Variants in ZKSCAN1 observed in about 807,000 individuals in gnomAD.
ZKSCAN1 encodes zinc finger protein with KRAB and SCAN domains 1.
Under a neutral mutation model 51.6 loss-of-function variants are expected in ZKSCAN1, and 14 were observed. That is an observed-to-expected ratio of 0.27 (90% CI 0.18 to 0.42). ZKSCAN1 has a LOEUF of 0.42. Among genes scored for constraint, ZKSCAN1 ranks in the 10% least tolerant of loss-of-function variants. The pLI, the probability that ZKSCAN1 is intolerant of heterozygous loss-of-function variation, is 1.00. For missense variants in ZKSCAN1, 531 were observed against 710.0 expected, an observed-to-expected ratio of 0.75 and a Z score of 2.86; for synonymous variants, 263 against 261.5, an observed-to-expected ratio of 1.01 and a Z score of -0.06.
chr7:100,021,476 C>T (rs1476670562), intron 1 of ZKSCAN1, among the ~76,000 whole-genome samples: 1 of 152,122 alleles, frequency 6.6e-6, no homozygotes, highest in Non-Finnish European at 1.5e-5. Context: ...GGATACTTGA[C>T]ATCATTTTTG....
Position 100,040,132 on chromosome 7 carries a change from A to C in ZKSCAN1, c.*5935A>C. ...AGTTATAGGGAGGTAAGCCATCTCCAACTCTGCAGGTCAAACGAAAGTTTG... is the reference window on the plus strand; with the variant it reads ...AGTTATAGGGAGGTAAGCCATCTCCCACTCTGCAGGTCAAACGAAAGTTTG... On this transcript the variant is annotated 3_prime_UTR_variant, in exon 6 of 6. Transcript: ENST00000324306. The C allele has an allele frequency of 1.0e-6, 1 of 980,934 alleles. No homozygotes were observed. Among genetic ancestry groups the C allele is most frequent in the Non-Finnish European group, 1.2e-6 (1 of 825,862 alleles). 60.8% of individuals were successfully genotyped at this position (980,934 alleles called of 1,614,324 possible).
In ZKSCAN1 at chr7:100,038,404, A is replaced by T. The variant is rs758060921; in HGVS notation, c.*4207A>T. ...AAAGCTTCATAGTTTGGTGCTTATC[A>T]CATCAAGAGATTGGTAAATTTCTGA... On this transcript the variant is annotated 3_prime_UTR_variant, in exon 6 of 6. Coordinates refer to ENST00000324306, the MANE Select transcript of ZKSCAN1 (RefSeq NM_003439.4). 1 of 985,454 alleles carries T rather than the reference A, an allele frequency of 1.0e-6. No homozygotes were observed. Among genetic ancestry groups the T allele is most frequent in the Non-Finnish European group, 1.2e-6 (1 of 829,930 alleles). The allele number at this position is 985,454 out of a possible 1,614,324, so 61.0% of individuals were successfully genotyped here.
intron 1 of ZKSCAN1, among the ~76,000 whole-genome samples, chr7:100,022,176 T>C (rs572277636): frequency 6.6e-5 from 10 of 152,296 alleles, no homozygotes; most frequent in Admixed American, 2.0e-4. Flanking sequence ...TTCCTCAGCC[T>C]CCCAAGTAGC....
chr7:100,023,870 G>C lies in ZKSCAN1; in HGVS notation c.364G>C (p.Asp122His). The C allele has an allele frequency of 1.2e-6, 2 of 1,613,160 alleles. No individual in the cohort carries two copies. Among genetic ancestry groups the C allele is most frequent in the Non-Finnish European group, 1.7e-6 (2 of 1,179,942 alleles). ...GGTCTGGCTGCAGGAATACCGCCCC[G>C]ATAGTGGAGAGGAGGCCGTGACCCT... ...LQVWLQEYRP[D>H]SGEEAVTLLE... The change falls in exon 2 of 6, where the codon GAT (aspartate) becomes CAT (histidine). Residue 122 changes from aspartate (D) to histidine (H), a missense_variant. Physicochemically the swap from Asp to His is moderately conservative, Grantham distance 81. Transcript: ENST00000324306.
downstream of ZKSCAN1, among the ~76,000 whole-genome samples, chr7:100,045,181 A>AAAT (rs1195467667): frequency 6.6e-6 from 1 of 152,136 alleles, no homozygotes; most frequent in African/African-American, 2.4e-5. Context: ...CTGAGGCAGG[A>AAAT]GGATTGCTTG....
chr7:100,030,169 C>T, intron 4 of ZKSCAN1, 80 bp from the exon 5 acceptor site: 1 of 1,565,036 alleles, frequency 6.4e-7, no homozygotes. Flanking sequence ...GCAGCCACCT[C>T]TCTTCCTGAC....
chr7:100,035,442 G>A lies in ZKSCAN1; in HGVS notation c.*1245G>A, dbSNP rs1436328653. On this transcript the variant is annotated 3_prime_UTR_variant, in exon 6 of 6. Transcript: ENST00000324306. ...CATTTTTTTTTTTTGACATCTTTCT[G>A]TGGCAAAGCTCTTAGAATTCTTTGC... 5 of 150,874 alleles carry A rather than the reference G, an allele frequency of 3.3e-5. No individual in the cohort carries two copies. Among genetic ancestry groups the A allele is most frequent in the African/African-American group, 1.2e-4 (5 of 41,000 alleles). 9.3% of individuals were successfully genotyped at this position (150,874 alleles called of 1,614,324 possible). A position where few individuals can be genotyped will look rare whatever the true frequency, so the allele number is the denominator to read the frequency against.
rs1791487325 is a variant in ZKSCAN1 at position 100,039,085 on chromosome 7, G to A, written c.*4888G>A. 1 of 157,464 alleles carries A rather than the reference G, an allele frequency of 6.4e-6. No homozygotes were observed. The highest frequency in any genetic ancestry group is 2.0e-4 in the South Asian group (1 of 4,928). 9.8% of individuals were successfully genotyped at this position (157,464 alleles called of 1,614,324 possible). ...TCAGCACTTTGGGAGGCAGAGGTGG[G>A]CGGATCACTTGAGGTCAGGAGTTTG... On this transcript the variant is annotated 3_prime_UTR_variant, in exon 6 of 6. Transcript: ENST00000324306.
chr7:100,020,977 T>C (rs935931578), intron 1 of ZKSCAN1, among the ~76,000 whole-genome samples: 3 of 152,192 alleles, frequency 2.0e-5, no homozygotes, highest in Non-Finnish European at 2.9e-5. Context: ...GTTGTTGAAA[T>C]GCAGGGTATA....
Position 100,035,764 on chromosome 7 carries a change from A to C in ZKSCAN1, c.*1567A>C. ...TATCACTAAAGACTGAGGTGAGGTT[A>C]TGAAACTTTCATTGGTCCCATCGTT... On this transcript the variant is annotated 3_prime_UTR_variant, in exon 6 of 6. Transcript: ENST00000324306. The C allele has an allele frequency of 9.4e-6, 8 of 855,104 alleles. No homozygotes were observed. Among genetic ancestry groups the C allele is most frequent in the Non-Finnish European group, 1.1e-5 (8 of 710,976 alleles). The allele number at this position is 855,104 out of a possible 1,614,324, so 53.0% of individuals were successfully genotyped here. A position where few individuals can be genotyped will look rare whatever the true frequency, so the allele number is the denominator to read the frequency against.
At position 100,023,693 on chromosome 7, in the gene ZKSCAN1, T is replaced by C; in HGVS notation, c.187T>C (p.Cys63Arg). Reference protein sequence around the residue: ...EIFRQRFRRFCYQNTFGPREA... With the variant: ...EIFRQRFRRFRYQNTFGPREA... The stretch of plus-strand genomic sequence containing the variant: ...ATTCCGCCAACGCTTCAGGCGCTTC[T>C]GTTACCAGAACACTTTTGGGCCCCG... The change falls in exon 2 of 6, where the codon TGT (cysteine) becomes CGT (arginine). Residue 63 changes from cysteine (C) to arginine (R), a missense_variant. This residue lies in a region of ZKSCAN1 where 403 missense variants were observed against 490.5 expected (regional missense o/e 0.82). Coordinates refer to ENST00000324306, the MANE Select transcript of ZKSCAN1 (RefSeq NM_003439.4). 1 of 1,614,214 alleles carries C rather than the reference T, an allele frequency of 6.2e-7. No homozygotes were observed. The highest frequency in any genetic ancestry group is 8.5e-7 in the Non-Finnish European group (1 of 1,180,044).
In ZKSCAN1 at chr7:100,034,373, A is replaced by G; in HGVS notation, c.*176A>G. 1 of 1,358,606 alleles carries G rather than the reference A, an allele frequency of 7.4e-7. No individual in the cohort carries two copies. The highest frequency in any genetic ancestry group is 9.4e-7 in the Non-Finnish European group (1 of 1,063,576). The allele number at this position is 1,358,606 out of a possible 1,614,324, so 84.2% of individuals were successfully genotyped here. A position where few individuals can be genotyped will look rare whatever the true frequency, so the allele number is the denominator to read the frequency against. On this transcript the variant is annotated 3_prime_UTR_variant, in exon 6 of 6. Coordinates refer to ENST00000324306, the MANE Select transcript of ZKSCAN1 (RefSeq NM_003439.4). The stretch of plus-strand genomic sequence containing the variant: ...CTGCCTTTATGTAGTAGTTGGGCAT[A>G]TAATCCTTCCACACAGCCCCTGCAG...
chr7:100,039,722 A>G lies in ZKSCAN1; in HGVS notation c.*5525A>G. On this transcript the variant is annotated 3_prime_UTR_variant, in exon 6 of 6. Transcript: ENST00000324306. ...TGAAATACACTTAAACAGTGACAGC[A>G]GTACTTCCCAGGGTGGGGGCCATAT... is the stretch of plus-strand genomic sequence containing the variant. The G allele has an allele frequency of 1.0e-6, 1 of 985,470 alleles. No homozygotes were observed. The highest frequency in any genetic ancestry group is 5.2e-4 in the Middle Eastern group (1 of 1,914). The allele number at this position is 985,470 out of a possible 1,614,324, so 61.0% of individuals were successfully genotyped here. A position where few individuals can be genotyped will look rare whatever the true frequency, so the allele number is the denominator to read the frequency against.
At chr7:100,018,751 T>C (rs1370427841) in intron 1 of ZKSCAN1, among the ~76,000 whole-genome samples, 2 of 151,858 alleles carry the variant, frequency 1.3e-5, no homozygotes, top group Admixed American at 1.3e-4. Context: ...GACAGAAGAG[T>C]ATGTGCTCAG....
rs536778139 is a variant in ZKSCAN1 at position 100,039,745 on chromosome 7, T to C, written c.*5548T>C. 3.0e-6 allele frequency: 3 copies of C among 985,380 alleles called. No individual in the cohort carries two copies. The highest frequency in any genetic ancestry group is 5.2e-4 in the Middle Eastern group (1 of 1,914). The allele number at this position is 985,380 out of a possible 1,614,324, so 61.0% of individuals were successfully genotyped here. On this transcript the variant is annotated 3_prime_UTR_variant, in exon 6 of 6. Transcript: ENST00000324306. ...GCAGTACTTCCCAGGGTGGGGGCCA[T>C]ATTTCTCTGTGTCCTACTCTGAGCA...
At chr7:100,023,226 G>A (rs973221908) in intron 1 of ZKSCAN1, among the ~76,000 whole-genome samples, 193 bp from the exon 2 acceptor site, 3 of 152,060 alleles carry the variant, frequency 2.0e-5, no homozygotes, top group African/African-American at 7.2e-5. Flanking sequence ...GGCCAGGCTG[G>A]TCTTGAACTC....
chr7:100,021,181 C>T (rs1225387617), intron 1 of ZKSCAN1, among the ~76,000 whole-genome samples: 1 of 121,750 alleles, frequency 8.2e-6, no homozygotes, highest in Non-Finnish European at 1.6e-5. Flanking sequence ...AGTGCAATGG[C>T]GTGATCTCAG....
intron 1 of ZKSCAN1, among the ~76,000 whole-genome samples, chr7:100,022,401 A>C (rs1194308109): frequency 6.6e-6 from 1 of 152,260 alleles, no homozygotes; most frequent in Non-Finnish European, 1.5e-5. Flanking sequence ...TCTCAGATAA[A>C]CCAGTCTACA....
chr7:100,016,988 TCACCACTCTTAAAATACAAACGAGGA>T (rs1790394494), intron 1 of ZKSCAN1: 1 of 152,202 alleles, frequency 6.6e-6, no homozygotes, highest in Non-Finnish European at 1.5e-5. Flanking sequence ...CAGGCAGTTT[TCACCACTCTTAAAATACAAACGAGGA>T]AGCTAGCTAC....
Sources: gnomAD v4.1 joint callset for allele counts (sites outside exome capture counted in the v4.1 genomes callset) on GRCh38, gnomAD v4.1.1 for gene constraint, gnomAD v4.1.1 regional missense constraint, MANE v1.5 for transcripts, NCBI Gene and HGNC (gene_info 2026-07-23, HGNC 2026-07-21) for gene names.